Variants in GNA14 observed in about 807,000 individuals in gnomAD.
The protein encoded by GNA14 is G protein subunit alpha 14.
Under a neutral mutation model 42.0 loss-of-function variants are expected in GNA14, and 50 were observed. The ratio of observed to expected loss-of-function variants is 1.19; its 90% CI spans 0.95 to 1.51. The LOEUF (loss-of-function observed/expected upper bound fraction) is 1.51, where lower values mean the gene tolerates loss of function less well. GNA14 is among the 40% of genes most tolerant of loss of function. The pLI, the probability that GNA14 is intolerant of heterozygous loss-of-function variation, is 0.00. For missense variants in GNA14, 473 were observed against 446.2 expected (o/e 1.06, Z -0.54); for synonymous variants, 173 against 163.1 (o/e 1.06, Z -0.46).
At chr9:77,476,944 G>C (rs1199712002) in intron 2 of GNA14, among the ~76,000 whole-genome samples, 1 of 152,214 alleles carries the variant, frequency 6.6e-6, no homozygotes, top group Non-Finnish European at 1.5e-5. Flanking sequence ...GACTGCATGA[G>C]TAACAGCTGA....
At chr9:77,630,585 T>A (rs1326551933) in intron 1 of GNA14, among the ~76,000 whole-genome samples, 2 of 152,186 alleles carry the variant, frequency 1.3e-5, no homozygotes, top group Non-Finnish European at 2.9e-5. Context: ...TTAACTGAAT[T>A]AATAAGTGAA....
chr9:77,430,259 G>A (rs1835523037), intron 4 of GNA14, among the ~76,000 whole-genome samples: 1 of 152,204 alleles, frequency 6.6e-6, no homozygotes. Flanking sequence ...GAGTTGTAAA[G>A]TAATAGATTT....
chr9:77,583,625 TTGAGA>T (rs1823259846), intron 1 of GNA14, among the ~76,000 whole-genome samples: 1 of 152,222 alleles, frequency 6.6e-6, no homozygotes, highest in Non-Finnish European at 1.5e-5. Flanking sequence ...GTCTACAAGC[TTGAGA>T]TGAGATCCCC....
intron 1 of GNA14, among the ~76,000 whole-genome samples, chr9:77,541,736 C>CT (rs141526832): frequency 0.037 from 5,551 of 151,972 alleles, 293 homozygotes; most frequent in African/African-American, 0.12. Flanking sequence ...TTTCTTTTTT[C>CT]TTTTTTTCTT....
chr9:77,506,223 A>G (rs1837066268), intron 2 of GNA14, among the ~76,000 whole-genome samples: 1 of 151,488 alleles, frequency 6.6e-6, no homozygotes, highest in Non-Finnish European at 1.5e-5. Flanking sequence ...TTGAGGTTGC[A>G]GTGGGTTATG....
In GNA14 at chr9:77,493,499, G is replaced by A. The variant is rs149717470; in HGVS notation, c.309+35570C>T. 3.3e-3 allele frequency among the ~76,000 whole-genome samples: 504 copies of A among 152,190 alleles called. 5 individuals carry two copies. Among genetic ancestry groups the A allele is most frequent in the Admixed American group, 7.9e-3 (120 of 15,280 alleles). ...ACGTTAATAGTGCTTTTACTTTACAGTTTGATTGAAATAAATTATATATGA... is the reference window on the plus strand; with the variant it reads ...ACGTTAATAGTGCTTTTACTTTACAATTTGATTGAAATAAATTATATATGA... On this transcript the variant is annotated intron_variant, in intron 2 of 6. Coordinates refer to ENST00000341700, the MANE Select transcript of GNA14 (RefSeq NM_004297.4).
intron 1 of GNA14, among the ~76,000 whole-genome samples, chr9:77,551,012 C>CA (rs1173187612): frequency 1.3e-5 from 2 of 152,180 alleles, no homozygotes; most frequent in Non-Finnish European, 2.9e-5. Context: ...GGAATATCTT[C>CA]AGGCAGTCTG....
intron 1 of GNA14, among the ~76,000 whole-genome samples, chr9:77,540,800 C>T (rs1278011737): frequency 6.6e-6 from 1 of 152,044 alleles, no homozygotes; most frequent in Non-Finnish European, 1.5e-5. Context: ...TTTCTGCTTG[C>T]ATGTAATATC....
intron 2 of GNA14, among the ~76,000 whole-genome samples, chr9:77,453,906 C>G (rs935444822): frequency 9.2e-5 from 14 of 152,228 alleles, no homozygotes; most frequent in Non-Finnish European, 7.3e-5. Context: ...TCCATTTTCT[C>G]ACAGGATAAA....
intron 1 of GNA14, among the ~76,000 whole-genome samples, chr9:77,601,455 C>CT (rs1378369185): frequency 6.6e-6 from 1 of 152,188 alleles, no homozygotes; most frequent in Non-Finnish European, 1.5e-5. Flanking sequence ...ATAAAGCTCT[C>CT]TGACCTTATA....
At chr9:77,586,881 A>T (rs1423168423) in intron 1 of GNA14, among the ~76,000 whole-genome samples, 1 of 152,152 alleles carries the variant, frequency 6.6e-6, no homozygotes, top group Non-Finnish European at 1.5e-5. Context: ...CTGGTCCCCC[A>T]GGTAGCACTT....
At chr9:77,606,889 TG>T (rs1564065192) in intron 1 of GNA14, among the ~76,000 whole-genome samples, 1 of 152,088 alleles carries the variant, frequency 6.6e-6, no homozygotes, top group Non-Finnish European at 1.5e-5. Context: ...GACGCCAGGT[TG>T]GGATTTATCT....
chr9:77,598,124 T>C (rs1249643511), intron 1 of GNA14, among the ~76,000 whole-genome samples: 2 of 152,182 alleles, frequency 1.3e-5, no homozygotes, highest in African/African-American at 4.8e-5. Context: ...CTTGCTGGTA[T>C]GTTCCTTAGT....
intron 2 of GNA14, chr9:77,518,208 G>A (rs1837292045): frequency 6.6e-6 from 1 of 152,098 alleles, no homozygotes. Flanking sequence ...ACCCAAAACT[G>A]TTGAGGATAA....
At chr9:77,490,443 C>T (rs892973483) in intron 2 of GNA14, among the ~76,000 whole-genome samples, 8 of 152,222 alleles carry the variant, frequency 5.3e-5, no homozygotes, top group East Asian at 3.9e-4. Context: ...GGGCAGCATT[C>T]GTCGGGGAGG....
chr9:77,506,737 T>G (rs1837077384), intron 2 of GNA14, among the ~76,000 whole-genome samples: 1 of 152,206 alleles, frequency 6.6e-6, no homozygotes, highest in East Asian at 1.9e-4. Flanking sequence ...AAATCCAGTG[T>G]GTATTTCACA....
chr9:77,575,087 G>A (rs894393453), intron 1 of GNA14, among the ~76,000 whole-genome samples: 4 of 152,188 alleles, frequency 2.6e-5, no homozygotes, highest in Non-Finnish European at 5.9e-5. Context: ...ATGATTTCAC[G>A]CTTCATACCC....
rs11145425 is a variant in GNA14, at chr9:77,439,606, C to G, written c.310-5084G>C. Among the ~76,000 whole-genome samples the G allele has an allele frequency of 5.5e-3, 834 of 152,294 alleles. 23 individuals are homozygous for G. Among genetic ancestry groups the G allele is most frequent in the East Asian group, 0.035 (181 of 5,186 alleles). On this transcript the variant is annotated intron_variant, in intron 2 of 6. Coordinates refer to ENST00000341700, the MANE Select transcript of GNA14 (RefSeq NM_004297.4). ...GAGCCAAGATCGTGCCACCGCACTT[C>G]GGCCTGAGTGAAAGAGTGAGATACT...
At chr9:77,519,940 C>T (rs1344034209) in intron 2 of GNA14, among the ~76,000 whole-genome samples, 6 of 151,912 alleles carry the variant, frequency 3.9e-5, no homozygotes, top group Admixed American at 1.3e-4. Context: ...AACCTGGAGG[C>T]GGAGGTTCTA....
Sources: gnomAD v4.1 joint callset for allele counts (sites outside exome capture counted in the v4.1 genomes callset) on GRCh38, gnomAD v4.1.1 for gene constraint, MANE v1.5 for transcripts, NCBI Gene and HGNC (gene_info 2026-07-23, HGNC 2026-07-21) for gene names.